Variants in ATP13A5 observed in about 807,000 individuals in gnomAD.
The protein encoded by ATP13A5 is ATPase 13A5.
A neutral mutation model predicts 150.2 loss-of-function variants in ATP13A5; 149 were observed. That is an observed-to-expected ratio of 0.99 (90% confidence interval 0.87 to 1.14). The LOEUF is 1.14. Ranked by LOEUF, ATP13A5 falls within the 50% of genes most tolerant of loss-of-function variation. ATP13A5 has a pLI of 0.00. For missense variants in ATP13A5, 1,383 were observed against 1,449.3 expected (o/e 0.95, Z 0.74); for synonymous variants, 497 against 522.2 (o/e 0.95, Z 0.66).
chr3:193,347,652 A>G (rs1712398764), intron 7 of ATP13A5, among the ~76,000 whole-genome samples: 1 of 152,074 alleles, frequency 6.6e-6, no homozygotes, highest in African/African-American at 2.4e-5. Flanking sequence ...CTCAAAACTC[A>G]TTATGCTGTA....
intron 28 of ATP13A5, among the ~76,000 whole-genome samples, chr3:193,278,705 CCTT>C (rs904449827): frequency 2.1e-4 from 32 of 152,236 alleles, no homozygotes; most frequent in African/African-American, 1.4e-4. Context: ...AGTGGGGCCT[CCTT>C]CTTCTATGTT....
intron 1 of ATP13A5, among the ~76,000 whole-genome samples, chr3:193,377,062 A>G (rs1713670095): frequency 1.3e-5 from 2 of 152,230 alleles, no homozygotes; most frequent in African/African-American, 4.8e-5. Context: ...ATTTAATCCT[A>G]TGATACCAAT....
chr3:193,288,471 G>T (rs567271235), intron 26 of ATP13A5, among the ~76,000 whole-genome samples: 2 of 152,090 alleles, frequency 1.3e-5, no homozygotes, highest in Non-Finnish European at 2.9e-5. Context: ...CCAGCAAAAA[G>T]ATTATGACTT....
chr3:193,345,191 G>T, intron 7 of ATP13A5, 116 bp from the exon 8 acceptor site: 1 of 946,130 alleles, frequency 1.1e-6, no homozygotes, highest in Non-Finnish European at 1.7e-6. Flanking sequence ...CTGGGCAAAG[G>T]ACTCAACTTC....
At chr3:193,289,229 C>T (rs1292223850) in intron 26 of ATP13A5, among the ~76,000 whole-genome samples, 5 of 152,068 alleles carry the variant, frequency 3.3e-5, no homozygotes, top group Admixed American at 1.3e-4. Flanking sequence ...CTTGAGCCAT[C>T]GGCGCTATAG....
intron 1 of ATP13A5, among the ~76,000 whole-genome samples, chr3:193,376,519 T>A (rs973434326): frequency 2.0e-5 from 3 of 152,146 alleles, no homozygotes; most frequent in African/African-American, 7.2e-5. Flanking sequence ...GCCAGGGGTC[T>A]CTTTTCTTTT....
intron 26 of ATP13A5, among the ~76,000 whole-genome samples, chr3:193,289,311 C>G (rs1423593165): frequency 6.6e-6 from 1 of 152,036 alleles, no homozygotes; most frequent in Non-Finnish European, 1.5e-5. Flanking sequence ...TCAATCAGAA[C>G]AAGGATACCA....
chr3:193,337,311 C>T (rs1434535624), intron 9 of ATP13A5, among the ~76,000 whole-genome samples: 1 of 152,084 alleles, frequency 6.6e-6, no homozygotes, highest in African/African-American at 2.4e-5. Context: ...AAGTCGTTGC[C>T]CATGCCTATG....
rs2093647468 is a variant in ATP13A5 at position 193,314,312 on chromosome 3, T to C, written c.2159-119A>G. 3 of 1,088,814 alleles carry C rather than the reference T, an allele frequency of 2.8e-6. No individual in the cohort carries two copies. In the African/African-American group the frequency reaches 4.7e-5, roughly 17 times the overall value. 67.4% of individuals were successfully genotyped at this position (1,088,814 alleles called of 1,614,324 possible). ...TTGAGAGCATTTACCGCTTTCTGCC[T>C]TATTTTATCTTCCTCTCTGCTGTAG... is the stretch of plus-strand genomic sequence containing the variant. On this transcript the variant is annotated intron_variant, in intron 18 of 29. Transcript: ENST00000342358.
intron 16 of ATP13A5, among the ~76,000 whole-genome samples, chr3:193,320,436 G>A (rs1186423394): frequency 6.6e-6 from 1 of 152,344 alleles, no homozygotes; most frequent in South Asian, 2.1e-4. Context: ...AACTGAAAGA[G>A]CTGCCAGGAA....
chr3:193,301,654 T>A (rs1478682183), intron 23 of ATP13A5, among the ~76,000 whole-genome samples: 1 of 152,192 alleles, frequency 6.6e-6, no homozygotes, highest in Non-Finnish European at 1.5e-5. Flanking sequence ...TACAACATTA[T>A]GATAAGGTGC....
rs148296107 is a variant in ATP13A5, at chr3:193,303,617, C to T, written c.2678+1942G>A. On this transcript the variant is annotated intron_variant, in intron 23 of 29. Coordinates refer to ENST00000342358, the MANE Select transcript of ATP13A5 (RefSeq NM_198505.4). ...AAAAATTCAGTCTTAGCTGTTAATG[C>T]GGTAACAGGTTTTCTGAATGGTGGA... 2.5e-3 allele frequency among the ~76,000 whole-genome samples: 380 copies of T among 151,830 alleles called. 1 individual carries two copies. The highest frequency in any genetic ancestry group is 8.8e-3 in the African/African-American group (363 of 41,370).
chr3:193,311,738 T>G, intron 20 of ATP13A5, 78 bp downstream of exon 20: 1 of 1,565,132 alleles, frequency 6.4e-7, no homozygotes, highest in Non-Finnish European at 8.7e-7. Flanking sequence ...CAGTGATCAC[T>G]GTTTTCAATA....
Position 193,334,954 on chromosome 3 carries a change from A to G in ATP13A5, c.1089T>C (p.Pro363=). 1 of 1,613,722 alleles carries G rather than the reference A, an allele frequency of 6.2e-7. No homozygotes were observed. The highest frequency in any genetic ancestry group is 8.5e-7 in the Non-Finnish European group (1 of 1,179,724). ...CTGTTTGCAAAACGACTGCTCGTAC[A>G]GGCCCCTGCCCAGAGGGCTTGACCT... ...VIQVKPSGQG[P]VRAVVLQTGY... is the part of the protein sequence containing the mutation. Residue 363 remains proline (P), a synonymous_variant, in exon 10 of 30, where the codon CCT becomes CCC. Coordinates refer to ENST00000342358, the MANE Select transcript of ATP13A5 (RefSeq NM_198505.4).
chr3:193,303,004 T>C (rs932474340), intron 23 of ATP13A5, among the ~76,000 whole-genome samples: 8 of 152,220 alleles, frequency 5.3e-5, no homozygotes, highest in African/African-American at 1.9e-4. Context: ...ATAAATGCAC[T>C]GGGCCACATG....
chr3:193,350,374 T>C (rs541854321), intron 7 of ATP13A5, among the ~76,000 whole-genome samples: 48 of 152,156 alleles, frequency 3.2e-4, no homozygotes, highest in Admixed American at 6.6e-4. Context: ...TCATTAGTTA[T>C]AAAACTTTTA....
At chr3:193,286,238 C>A (rs1033454129) in intron 26 of ATP13A5, among the ~76,000 whole-genome samples, 1 of 152,144 alleles carries the variant, frequency 6.6e-6, no homozygotes, top group South Asian at 2.1e-4. Context: ...CATTTTCTAA[C>A]GTGAACTCAA....
chr3:193,356,799 G>A (rs78709617), intron 5 of ATP13A5, among the ~76,000 whole-genome samples: 1,520 of 150,876 alleles, frequency 0.01, 31 homozygotes, highest in Middle Eastern at 0.034. Context: ...CCCTTTAAAG[G>A]CAGAAACAGA....
rs1437900897 is a variant in ATP13A5 at position 193,285,110 on chromosome 3, ACACT to A, written c.3026_3029del (p.Glu1009ValfsTer13). 2 of 1,613,460 alleles carry A rather than the reference ACACT, an allele frequency of 1.2e-6. No individual in the cohort carries two copies. Among genetic ancestry groups the A allele is most frequent in the African/African-American group, 2.7e-5 (2 of 74,890 alleles). ...AAAAATTACTTTGGTTGGCCAGAAA[ACACT>A]CACTACAAAAGAATCACCAGTGTTT... On this transcript the variant is annotated frameshift_variant and splice_region_variant, in exon 27 of 30. Coordinates refer to ENST00000342358, the MANE Select transcript of ATP13A5 (RefSeq NM_198505.4). LOFTEE classifies it high-confidence loss of function.
Sources: gnomAD v4.1 joint callset for allele counts (sites outside exome capture counted in the v4.1 genomes callset) on GRCh38, gnomAD v4.1.1 for gene constraint, MANE v1.5 for transcripts, NCBI Gene and HGNC (gene_info 2026-07-23, HGNC 2026-07-21) for gene names.